RABEP1: variants seen among roughly 807,000 people sequenced by gnomAD.
RABEP1 encodes rab GTPase-binding effector protein 1.
RABEP1 carries 51 observed loss-of-function variants against 123.4 expected under a neutral mutation model. The ratio of observed to expected loss-of-function variants is 0.41; its 90% CI spans 0.33 to 0.52. The LOEUF is 0.52. RABEP1 is among the 20% of genes least tolerant of loss of function. The pLI, the probability that RABEP1 is intolerant of heterozygous loss-of-function variation, is 0.16. For missense variants in RABEP1, 888 were observed against 996.3 expected (o/e 0.89, Z 1.46); for synonymous variants, 347 against 355.2 (o/e 0.98, Z 0.26).
At chr17:5,316,277 CGT>C (rs1180109861) in intron 2 of RABEP1, among the ~76,000 whole-genome samples, 1 of 151,200 alleles carries the variant, frequency 6.6e-6, no homozygotes, top group Non-Finnish European at 1.5e-5. Flanking sequence ...ATGGTGAAAC[CGT>C]GTGTCTACTA....
At position 5,383,218 on chromosome 17, in the gene RABEP1, A is replaced by G. The variant is rs761934519; in HGVS notation, c.2584A>G (p.Thr862Ala). 2 of 1,613,576 alleles carry G rather than the reference A, an allele frequency of 1.2e-6. No individual in the cohort carries two copies. The highest frequency in any genetic ancestry group is 2.7e-5 in the African/African-American group (2 of 74,920). ...GACAGACATTAACCAGCTTCCTGAG[A>G]CATGACACCCTCATGGCAGGATTCT... ...KLTDINQLPE[T>A] Residue 862 changes from threonine (T) to alanine (A), a missense_variant, in exon 18 of 18, where the codon ACA (threonine) becomes GCA (alanine). Coordinates refer to ENST00000537505, the MANE Select transcript of RABEP1 (RefSeq NM_004703.6).
Position 5,338,037 on chromosome 17 carries a change from A to G in RABEP1, c.547A>G (p.Lys183Glu). Reference protein sequence around the residue: ...EMKKAQEDAEKLRSVVMPMEK... With the variant: ...EMKKAQEDAEELRSVVMPMEK... ...ACCATAGGCCCAAGAGGATGCTGAGAAACTTCGGTCCGTTGTGATGCCAAT... is the reference window on the plus strand; with the variant it reads ...ACCATAGGCCCAAGAGGATGCTGAGGAACTTCGGTCCGTTGTGATGCCAAT... The change falls in exon 5 of 18, where the codon AAA becomes GAA. Residue 183 changes from lysine to glutamate, a missense_variant. Coordinates refer to ENST00000537505, the MANE Select transcript of RABEP1 (RefSeq NM_004703.6). The G allele has an allele frequency of 6.2e-7, 1 of 1,613,202 alleles. No individual in the cohort carries two copies. Among genetic ancestry groups the G allele is most frequent in the Non-Finnish European group, 8.5e-7 (1 of 1,179,554 alleles).
intron 1 of RABEP1, among the ~76,000 whole-genome samples, chr17:5,294,633 CTTTTTTTTTTTTTTTTTTTTT>C (rs1185209680): frequency 1.9e-5 from 1 of 53,024 alleles, no homozygotes. Context: ...ACGGTATTGT[CTTTTTTTTTTTTTTTTTTTTT>C]TTTTTTTTTT....
In RABEP1 at chr17:5,385,626, G is replaced by A. The variant is rs1367384881; in HGVS notation, c.*2403G>A. 8.7e-6 allele frequency: 2 copies of A among 231,096 alleles called. No individual in the cohort carries two copies. Among genetic ancestry groups the A allele is most frequent in the Admixed American group, 5.6e-5 (1 of 17,704 alleles). 14.3% of individuals were successfully genotyped at this position (231,096 alleles called of 1,614,324 possible). On this transcript the variant is annotated 3_prime_UTR_variant, in exon 18 of 18. Transcript: ENST00000537505. The stretch of plus-strand genomic sequence containing the variant: ...ACTCAGTAACAAGTATTGGGACGTA[G>A]AGCACAGCCTCACTCAGCTCTGAAA...
At chr17:5,349,860 C>G (rs1033046776) in intron 6 of RABEP1, among the ~76,000 whole-genome samples, 4 of 152,052 alleles carry the variant, frequency 2.6e-5, no homozygotes, top group Non-Finnish European at 5.9e-5. Flanking sequence ...TATGGAGGAG[C>G]CTTTGCAAAA....
intron 1 of RABEP1, among the ~76,000 whole-genome samples, chr17:5,304,623 C>A (rs1042860865): frequency 2.0e-5 from 3 of 151,868 alleles, no homozygotes; most frequent in African/African-American, 7.3e-5. Context: ...TAGATAATTT[C>A]TCCCTTTTTC....
At chr17:5,335,150 G>GC (rs1906946567) in intron 3 of RABEP1, 34 bp from the exon 4 acceptor site, 1 of 1,533,802 alleles carries the variant, frequency 6.5e-7, no homozygotes, top group Non-Finnish European at 8.8e-7. Flanking sequence ...TTTTCATAAT[G>GC]CTTAGATGTG....
chr17:5,343,670 C>CTTTTTTTTTTTTTTTTTTTT (rs753410845), intron 5 of RABEP1, among the ~76,000 whole-genome samples: 2 of 99,950 alleles, frequency 2.0e-5, no homozygotes, highest in Admixed American at 1.1e-4. Context: ...TTTCTTTTCT[C>CTTTTTTTTTTTTTTTTTTTT]TTTTTTTTTT....
intron 11 of RABEP1, among the ~76,000 whole-genome samples, chr17:5,367,324 T>C (rs1021149208): frequency 6.6e-6 from 1 of 151,020 alleles, no homozygotes; most frequent in South Asian, 2.1e-4. Flanking sequence ...CAGGCTAGAG[T>C]GCAGTGGCAC....
In RABEP1 at chr17:5,372,909, C is replaced by T. The variant is rs529646535; in HGVS notation, c.1885-405C>T. 1.7e-4 allele frequency among the ~76,000 whole-genome samples: 26 copies of T among 152,242 alleles called. 1 individual carries two copies. The East Asian group carries it at 2.5e-3, about 15-fold the overall frequency. ...CTAGTTGCTGGGATTACAGGCACCC[C>T]GCTGTACCCAGCTAACTTTCTGCAT... On this transcript the variant is annotated intron_variant, in intron 12 of 17. Coordinates refer to ENST00000537505, the MANE Select transcript of RABEP1 (RefSeq NM_004703.6).
chr17:5,377,291 G>A lies in RABEP1; in HGVS notation c.2201G>A (p.Cys734Tyr). The A allele has an allele frequency of 6.3e-7, 1 of 1,583,830 alleles. No individual in the cohort carries two copies. The highest frequency in any genetic ancestry group is 8.5e-7 in the Non-Finnish European group (1 of 1,172,450). Residue 734 changes from cysteine to tyrosine, a missense_variant, in exon 14 of 18, where the codon TGC becomes TAC. Cys to Tyr is a radical substitution (Grantham distance 194). Transcript: ENST00000537505. ...EETLQLEIEN[C>Y]KEEIASISSL... ...ACTCTGCAACTAGAAATAGAAAACT[G>A]CAAGGAGGAAATAGGTGAAGATAAA... is the stretch of plus-strand genomic sequence containing the variant.
chr17:5,381,269 G>C, intron 16 of RABEP1, 120 bp from the exon 17 acceptor site: 4 of 1,408,482 alleles, frequency 2.8e-6, no homozygotes, highest in Non-Finnish European at 3.8e-6. Context: ...GTCGTGTATA[G>C]GAGTGCGACG....
At chr17:5,373,540 A>G in intron 13 of RABEP1, 86 bp downstream of exon 13, 3 of 1,397,662 alleles carry the variant, frequency 2.1e-6, no homozygotes, top group Admixed American at 2.3e-5. Flanking sequence ...AGTTTTATTC[A>G]GATATAATTC....
intron 2 of RABEP1, among the ~76,000 whole-genome samples, chr17:5,330,306 T>C (rs1906410029): frequency 6.6e-6 from 1 of 152,176 alleles, no homozygotes; most frequent in Non-Finnish European, 1.5e-5. Context: ...TGTCTTTGGC[T>C]AGAGATTCAA....
rs1296726933 is a variant in RABEP1, at chr17:5,361,435, A to C, written c.1323A>C (p.Pro441=). The C allele has an allele frequency of 2.5e-6, 4 of 1,614,042 alleles. No homozygotes were observed. The African/African-American group carries it at 4.0e-5, about 16-fold the overall frequency. Residue 441 remains proline (P), a synonymous_variant, in exon 9 of 18, where the codon CCA becomes CCC. Coordinates refer to ENST00000537505, the MANE Select transcript of RABEP1 (RefSeq NM_004703.6). ...AGNLDESDFG[P]LVGADSVSEN... ...ACCTGGACGAGTCAGATTTTGGACC[A>C]CTGGTAGGAGCAGATTCAGTGTCTG... is the stretch of plus-strand genomic sequence containing the variant.
At chr17:5,372,542 TCA>T (rs1263682690) in intron 12 of RABEP1, among the ~76,000 whole-genome samples, 1 of 152,242 alleles carries the variant, frequency 6.6e-6, no homozygotes, top group Admixed American at 6.5e-5. Flanking sequence ...GCTGGGCCAT[TCA>T]CAGTGATTCC....
chr17:5,366,516 GCT>G (rs1026423000), intron 11 of RABEP1, among the ~76,000 whole-genome samples: 11 of 151,990 alleles, frequency 7.2e-5, no homozygotes, highest in African/African-American at 2.7e-4. Context: ...TGCAACTTCG[GCT>G]CTCTGCAACC....
At chr17:5,373,693 AACACACAC>A (rs55736303) in intron 13 of RABEP1, among the ~76,000 whole-genome samples, 15,080 of 135,228 alleles carry the variant, frequency 0.11, 838 homozygotes, top group East Asian at 0.13. Context: ...ACACCAGCTA[AACACACAC>A]ACACACACAC....
chr17:5,359,138 A>T (rs1226161589), intron 8 of RABEP1, among the ~76,000 whole-genome samples: 1 of 147,850 alleles, frequency 6.8e-6, no homozygotes, highest in African/African-American at 2.5e-5. Context: ...CAGTGGTGTG[A>T]TCTCGGCTCA....
Sources: gnomAD v4.1 joint callset for allele counts (sites outside exome capture counted in the v4.1 genomes callset) on GRCh38, gnomAD v4.1.1 for gene constraint, MANE v1.5 for transcripts, NCBI Gene and HGNC (gene_info 2026-07-23, HGNC 2026-07-21) for gene names.